Variants in THSD4 observed in about 807,000 individuals in gnomAD.
THSD4 encodes thrombospondin type-1 domain-containing protein 4.
Under a neutral mutation model 119.0 loss-of-function variants are expected in THSD4, and 69 were observed. That is an observed-to-expected ratio of 0.58 (90% confidence interval 0.48 to 0.71). The LOEUF is 0.71. Ranked by LOEUF, THSD4 falls within the 30% of genes least tolerant of loss-of-function variation. THSD4 has a pLI of 0.00. For missense variants in THSD4, 1,393 were observed against 1,391.1 expected, an observed-to-expected ratio of 1.00 and a Z score of -0.02; for synonymous variants, 524 against 540.4, an observed-to-expected ratio of 0.97 and a Z score of 0.42.
At chr15:71,595,963 G>A (rs909169803) in intron 7 of THSD4, among the ~76,000 whole-genome samples, 5 of 152,164 alleles carry the variant, frequency 3.3e-5, no homozygotes, top group Admixed American at 6.5e-5. Flanking sequence ...GCTGGTGACC[G>A]TTTCAGCATC....
intron 6 of THSD4, among the ~76,000 whole-genome samples, chr15:71,286,870 T>C (rs1053325465): frequency 2.6e-5 from 4 of 152,198 alleles, no homozygotes; most frequent in African/African-American, 9.6e-5. Context: ...TGGTGTCTCA[T>C]TGTGGCTTTG....
chr15:71,321,728 A>C (rs1232554683), intron 6 of THSD4, among the ~76,000 whole-genome samples: 1 of 152,238 alleles, frequency 6.6e-6, no homozygotes, highest in Non-Finnish European at 1.5e-5. Flanking sequence ...ATGTAATTGC[A>C]TTCTTAAAAT....
intron 3 of THSD4, 104 bp downstream of exon 3, chr15:71,155,036 T>C: frequency 4.7e-6 from 5 of 1,055,154 alleles, no homozygotes; most frequent in Non-Finnish European, 7.3e-6. Flanking sequence ...TCACCACTGA[T>C]CCTGAAAGGA....
chr15:71,609,516 C>T (rs376969723), intron 7 of THSD4, among the ~76,000 whole-genome samples: 6 of 152,006 alleles, frequency 3.9e-5, no homozygotes, highest in East Asian at 1.9e-4. Flanking sequence ...CTGAAGAAGC[C>T]AGTAATCTCA....
At chr15:71,116,046 C>G (rs1407011809) in intron 1 of THSD4, among the ~76,000 whole-genome samples, 1 of 152,260 alleles carries the variant, frequency 6.6e-6, no homozygotes, top group African/African-American at 2.4e-5. Context: ...GCCCCGTGCT[C>G]CCCGGGTCGG....
intron 16 of THSD4, among the ~76,000 whole-genome samples, chr15:71,770,507 T>C (rs1449321363): frequency 6.6e-6 from 1 of 151,764 alleles, no homozygotes; most frequent in Non-Finnish European, 1.5e-5. Flanking sequence ...ATACAAAACT[T>C]AGCCAGGTGT....
In THSD4 at chr15:71,668,098, T is replaced by A. The variant is rs577625031; in HGVS notation, c.1357+7364T>A. ...GATGTACCATTATTTATTTAGGTAC[T>A]TCCCTACTGAGGGATGTTTAGATTG... On this transcript the variant is annotated intron_variant, in intron 8 of 17. Coordinates refer to ENST00000261862, the MANE Select transcript of THSD4 (RefSeq NM_024817.3). 9.8e-5 allele frequency among the ~76,000 whole-genome samples: 15 copies of A among 152,328 alleles called. No homozygotes were observed. The South Asian group carries it at 2.3e-3, about 23-fold the overall frequency.
intron 14 of THSD4, among the ~76,000 whole-genome samples, chr15:71,748,873 C>T (rs527848090): frequency 6.6e-6 from 1 of 152,310 alleles, no homozygotes; most frequent in South Asian, 2.1e-4. Flanking sequence ...TACATCCCAT[C>T]GTTCATATGT....
At chr15:71,676,947 A>C (rs190591451) in intron 8 of THSD4, among the ~76,000 whole-genome samples, 5 of 152,126 alleles carry the variant, frequency 3.3e-5, no homozygotes, top group African/African-American at 9.7e-5. Context: ...ACTACTTCCA[A>C]TTCTTTTGGG....
At chr15:71,559,254 A>G (rs2049073154) in intron 7 of THSD4, among the ~76,000 whole-genome samples, 1 of 152,032 alleles carries the variant, frequency 6.6e-6, no homozygotes, top group South Asian at 2.1e-4. Context: ...CCTTGATGTT[A>G]GTGGCCACTC....
rs556823916 is a variant in THSD4, at chr15:71,430,303, A to G, written c.1152+18480A>G. 4.0e-4 allele frequency among the ~76,000 whole-genome samples: 61 copies of G among 152,346 alleles called. 1 individual carries two copies. The highest frequency in any genetic ancestry group is 1.4e-3 in the African/African-American group (59 of 41,590). On this transcript the variant is annotated intron_variant, in intron 7 of 17. Coordinates refer to ENST00000261862, the MANE Select transcript of THSD4 (RefSeq NM_024817.3). ...CTTTAGCCTTCCATTTCTACCAAAG[A>G]TACTCATAATGAGACTAATTTGTTT...
chr15:71,174,019 A>G (rs1049694712), intron 3 of THSD4, among the ~76,000 whole-genome samples: 1 of 152,250 alleles, frequency 6.6e-6, no homozygotes, highest in Non-Finnish European at 1.5e-5. Flanking sequence ...TCATGATATT[A>G]GTTTTGGCAG....
Position 71,725,802 on chromosome 15 carries a change from C to CT in THSD4, c.1358-2740dup, listed in dbSNP as rs571606961. On this transcript the variant is annotated intron_variant, in intron 8 of 17. Transcript: ENST00000261862. ...AAAATGGTAGACATTATATGGACCACTTTTTTTCCTTTTTTTTTTCTGAGA... is the reference window on the plus strand; with the variant it reads ...AAAATGGTAGACATTATATGGACCACTTTTTTTTCCTTTTTTTTTTCTGAGA... 2.6e-5 allele frequency among the ~76,000 whole-genome samples: 4 copies of CT among 151,792 alleles called. No individual in the cohort carries two copies. The South Asian group carries it at 8.3e-4, about 32-fold the overall frequency.
chr15:71,123,928 T>A (rs1208875698), intron 1 of THSD4, among the ~76,000 whole-genome samples: 1 of 152,206 alleles, frequency 6.6e-6, no homozygotes, highest in Non-Finnish European at 1.5e-5. Context: ...TGCTGTTGCT[T>A]CTCATATGGT....
intron 7 of THSD4, among the ~76,000 whole-genome samples, chr15:71,498,115 A>G (rs1467721391): frequency 6.6e-6 from 1 of 152,234 alleles, no homozygotes; most frequent in Non-Finnish European, 1.5e-5. Flanking sequence ...ATGATTAAGT[A>G]ATTTTTAACC....
intron 11 of THSD4, among the ~76,000 whole-genome samples, chr15:71,741,111 T>G (rs948230292): frequency 6.6e-6 from 1 of 152,214 alleles, no homozygotes; most frequent in Non-Finnish European, 1.5e-5. Flanking sequence ...TTTACATCTT[T>G]ATTGTATCCT....
chr15:71,611,508 C>G (rs957137474), intron 7 of THSD4, among the ~76,000 whole-genome samples: 4 of 152,252 alleles, frequency 2.6e-5, no homozygotes, highest in African/African-American at 9.6e-5. Flanking sequence ...GTGCTTCTCT[C>G]TTTTCAGTGA....
At chr15:71,564,670 TTATAACATATAATACAATATATAG>T (rs1289952374) in intron 7 of THSD4, among the ~76,000 whole-genome samples, 31,122 of 70,382 alleles carry the variant, frequency 0.44, 5,236 homozygotes, top group Non-Finnish European at 0.48. Flanking sequence ...ATATAGTATA[TTATAACATATAATACAATATATAG>T]TATAACATAT....
chr15:71,512,445 G>A (rs370043583), intron 7 of THSD4, among the ~76,000 whole-genome samples: 1 of 152,232 alleles, frequency 6.6e-6, no homozygotes. Flanking sequence ...TATTAAAGAC[G>A]ACAGTAAAAC....
Sources: allele counts gnomAD v4.1 joint callset (sites outside exome capture counted in the v4.1 genomes callset), GRCh38; gene constraint gnomAD v4.1.1; transcripts MANE v1.5; gene names NCBI Gene and HGNC (gene_info 2026-07-23, HGNC 2026-07-21).